DDR2: variants seen among roughly 807,000 people sequenced by gnomAD.
The protein encoded by DDR2 is discoidin domain-containing receptor 2.
Under a neutral mutation model 94.9 loss-of-function variants are expected in DDR2, and 27 were observed. The ratio of observed to expected loss-of-function variants is 0.28; its 90% CI spans 0.21 to 0.39. The LOEUF (loss-of-function observed/expected upper bound fraction) is 0.39. Among genes scored for constraint, DDR2 ranks in the 10% least tolerant of loss-of-function variants. DDR2 has a pLI of 1.00. For missense variants in DDR2, 783 were observed against 1,076.0 expected (o/e 0.73, Z 3.81); for synonymous variants, 382 against 377.2 (o/e 1.01, Z -0.15).
chr1:162,754,151 A>G (rs1286984947), intron 4 of DDR2, among the ~76,000 whole-genome samples: 2 of 152,096 alleles, frequency 1.3e-5, no homozygotes, highest in Non-Finnish European at 2.9e-5. Context: ...ATGTGTTTCT[A>G]TGGCTCCTTG....
At chr1:162,675,602 C>A (rs770713647) in intron 2 of DDR2, among the ~76,000 whole-genome samples, 4 of 152,156 alleles carry the variant, frequency 2.6e-5, no homozygotes, top group Non-Finnish European at 1.5e-5. Flanking sequence ...TAGCTAATAT[C>A]TGTTTAATAA....
At position 162,766,711 on chromosome 1, in the gene DDR2, ATGG is replaced by A. The variant is rs377759401; in HGVS notation, c.1163-517_1163-515del. Among the ~76,000 whole-genome samples, 478 of 152,276 alleles carry A rather than the reference ATGG, an allele frequency of 3.1e-3. 1 individual carries two copies. The highest frequency in any genetic ancestry group is 4.7e-3 in the Non-Finnish European group (323 of 68,010). On this transcript the variant is annotated intron_variant, in intron 10 of 17. Transcript: ENST00000367921. ...ATGGAGAGGGGGAGACTACTGTCTT[ATGG>A]AAGAGGGAAATAGGATAGGGGAACA...
intron 16 of DDR2, 139 bp from the exon 17 acceptor site, chr1:162,778,430 CTGTTTCTAAAT>C: frequency 1.1e-6 from 1 of 924,502 alleles, no homozygotes; most frequent in Non-Finnish European, 1.7e-6. Flanking sequence ...AAAGAATGGG[CTGTTTCTAAAT>C]ACTCCATGCA....
chr1:162,717,023 A>G (rs948386881), intron 2 of DDR2, among the ~76,000 whole-genome samples: 1 of 152,022 alleles, frequency 6.6e-6, no homozygotes, highest in African/African-American at 2.4e-5. Flanking sequence ...GGAATTTTTT[A>G]AAAATCACTT....
intron 7 of DDR2, among the ~76,000 whole-genome samples, chr1:162,757,453 A>G (rs996907421): frequency 2.6e-5 from 4 of 152,212 alleles, no homozygotes; most frequent in African/African-American, 7.2e-5. Context: ...GGAGAAATCA[A>G]CAGTTTATTT....
intron 3 of DDR2, among the ~76,000 whole-genome samples, chr1:162,732,219 T>C (rs1030033032): frequency 1.4e-4 from 22 of 152,200 alleles, no homozygotes; most frequent in African/African-American, 5.1e-4. Context: ...ACCCAAAGAA[T>C]AGCCCTGTAG....
intron 7 of DDR2, among the ~76,000 whole-genome samples, chr1:162,757,702 A>G (rs914108181): frequency 6.6e-6 from 1 of 152,206 alleles, no homozygotes; most frequent in African/African-American, 2.4e-5. Flanking sequence ...AGATTAATCA[A>G]GCAGCATGCA....
At chr1:162,730,795 T>G (rs971764499) in intron 3 of DDR2, among the ~76,000 whole-genome samples, 4 of 152,210 alleles carry the variant, frequency 2.6e-5, no homozygotes, top group Non-Finnish European at 4.4e-5. Context: ...TTCAGAGGGC[T>G]TCTCCTTACA....
At chr1:162,706,850 G>A (rs1660684939) in intron 2 of DDR2, among the ~76,000 whole-genome samples, 1 of 152,148 alleles carries the variant, frequency 6.6e-6, no homozygotes, top group Admixed American at 6.5e-5. Context: ...TTCAGAGGCT[G>A]CAAGTTAAAG....
At chr1:162,676,756 A>G (rs2101948413) in intron 2 of DDR2, among the ~76,000 whole-genome samples, 1 of 152,290 alleles carries the variant, frequency 6.6e-6, no homozygotes, top group Non-Finnish European at 1.5e-5. Flanking sequence ...TAGGAGGTAA[A>G]TATTATCCAC....
intron 10 of DDR2, among the ~76,000 whole-genome samples, chr1:162,766,438 G>A (rs1663992657): frequency 6.6e-6 from 1 of 152,180 alleles, no homozygotes; most frequent in Non-Finnish European, 1.5e-5. Flanking sequence ...AGATAAATAT[G>A]CCATGTATGC....
chr1:162,678,305 T>A (rs1282862667), intron 2 of DDR2, among the ~76,000 whole-genome samples: 2 of 152,220 alleles, frequency 1.3e-5, no homozygotes, highest in Non-Finnish European at 2.9e-5. Context: ...TAATAATTCC[T>A]GTCTCATAAA....
intron 8 of DDR2, 95 bp downstream of exon 8, chr1:162,760,074 C>G: frequency 6.6e-7 from 1 of 1,506,154 alleles, no homozygotes; most frequent in Non-Finnish European, 9.2e-7. Flanking sequence ...TAGGCTGATG[C>G]CAGTTCAATG....
At chr1:162,681,014 A>G (rs1463982536) in intron 2 of DDR2, among the ~76,000 whole-genome samples, 3 of 152,150 alleles carry the variant, frequency 2.0e-5, no homozygotes, top group East Asian at 1.9e-4. Flanking sequence ...GTGAGGAAGC[A>G]TGGTAGAATG....
intron 3 of DDR2, among the ~76,000 whole-genome samples, chr1:162,723,020 G>A (rs952481552): frequency 4.6e-5 from 7 of 152,156 alleles, no homozygotes; most frequent in African/African-American, 1.7e-4. Flanking sequence ...TAAGCACACA[G>A]GAAGTGACTG....
At chr1:162,768,354 G>A (rs1027625604) in intron 11 of DDR2, among the ~76,000 whole-genome samples, 1 of 152,092 alleles carries the variant, frequency 6.6e-6, no homozygotes, top group African/African-American at 2.4e-5. Flanking sequence ...CACCTCTCCT[G>A]GTCAATTAGT....
intron 3 of DDR2, among the ~76,000 whole-genome samples, chr1:162,720,813 T>C (rs1166046580): frequency 6.6e-6 from 1 of 152,144 alleles, no homozygotes; most frequent in African/African-American, 2.4e-5. Context: ...TTCTTGAGGG[T>C]GCTTTAATTT....
intron 2 of DDR2, among the ~76,000 whole-genome samples, chr1:162,680,741 A>G (rs1375714304): frequency 2.0e-5 from 3 of 152,244 alleles, no homozygotes; most frequent in Non-Finnish European, 2.9e-5. Context: ...AAAGAAAATA[A>G]TATAACCCAA....
intron 3 of DDR2, among the ~76,000 whole-genome samples, chr1:162,726,740 G>T (rs943330278): frequency 6.6e-6 from 1 of 152,070 alleles, no homozygotes; most frequent in Non-Finnish European, 1.5e-5. Context: ...CAGGGCTCTC[G>T]TGTGGAAAGA....
Sources: allele counts gnomAD v4.1 joint callset (sites outside exome capture counted in the v4.1 genomes callset), GRCh38; gene constraint gnomAD v4.1.1; transcripts MANE v1.5; gene names NCBI Gene and HGNC (gene_info 2026-07-23, HGNC 2026-07-21).